Variants in ATG10 observed in about 807,000 individuals in gnomAD.
ATG10 encodes ubiquitin-like-conjugating enzyme ATG10.
In ATG10, 30 loss-of-function variants were observed where a neutral mutation model predicts 32.1. That is an observed-to-expected ratio of 0.94 (90% CI 0.70 to 1.27). ATG10 has a LOEUF of 1.27. ATG10 is among the 50% of genes most tolerant of loss of function. ATG10 has a pLI of 0.00. For synonymous variants in ATG10, 87 were observed against 91.5 expected (o/e 0.95, Z 0.28); for missense variants, 233 against 262.3 (o/e 0.89, Z 0.77).
At chr5:82,001,094 C>T (rs1156807189) in intron 2 of ATG10, among the ~76,000 whole-genome samples, 1 of 152,104 alleles carries the variant, frequency 6.6e-6, no homozygotes, top group East Asian at 1.9e-4. Context: ...ATGAGCTCTA[C>T]CATGAGAATT....
intron 3 of ATG10, among the ~76,000 whole-genome samples, chr5:82,115,950 G>A (rs1765795024): frequency 3.9e-5 from 6 of 152,086 alleles, no homozygotes; most frequent in Admixed American, 3.9e-4. Flanking sequence ...GATACAAGGT[G>A]GGAATAGGTA....
chr5:82,058,687 C>T (rs1763679397), intron 3 of ATG10, 85 bp downstream of exon 3: 1 of 824,554 alleles, frequency 1.2e-6, no homozygotes. Context: ...CCATCGCATT[C>T]CATCCTATGG....
Position 82,056,345 on chromosome 5 carries a change from A to G in ATG10, c.109-2150A>G, listed in dbSNP as rs538789763. ...TATGGTTGGTGTAAATAATGTAGTC[A>G]GAATGTGGTTTCTCTGTATCTCATG... On this transcript the variant is annotated intron_variant, in intron 2 of 7. Coordinates refer to ENST00000282185, the MANE Select transcript of ATG10 (RefSeq NM_031482.5). Among the ~76,000 whole-genome samples the G allele has an allele frequency of 1.4e-4, 22 of 152,168 alleles. No homozygotes were observed. The South Asian group carries it at 4.6e-3, about 32-fold the overall frequency.
chr5:82,017,305 G>C (rs1373268520), intron 2 of ATG10, among the ~76,000 whole-genome samples: 1 of 152,126 alleles, frequency 6.6e-6, no homozygotes, highest in Admixed American at 6.5e-5. Context: ...AGTTCTAGGA[G>C]CTTTTTGGAT....
At chr5:81,975,648 C>T (rs1019998549) in intron 1 of ATG10, among the ~76,000 whole-genome samples, 1 of 151,912 alleles carries the variant, frequency 6.6e-6, no homozygotes, top group African/African-American at 2.4e-5. Flanking sequence ...TATCACTGCC[C>T]TCCAACCTGG....
At chr5:82,202,598 CA>C (rs1389954917) in intron 5 of ATG10, among the ~76,000 whole-genome samples, 1 of 152,142 alleles carries the variant, frequency 6.6e-6, no homozygotes, top group African/African-American at 2.4e-5. Context: ...GTATTTCTCC[CA>C]CACTCTAGGG....
chr5:82,241,147 C>T (rs1746780204), intron 5 of ATG10, among the ~76,000 whole-genome samples: 1 of 152,186 alleles, frequency 6.6e-6, no homozygotes, highest in Admixed American at 6.5e-5. Context: ...AAGCATTCCA[C>T]CTTAGTGTCA....
At chr5:82,142,664 TGTGGAGG>T (rs1235079267) in intron 3 of ATG10, among the ~76,000 whole-genome samples, 4 of 152,080 alleles carry the variant, frequency 2.6e-5, no homozygotes, top group African/African-American at 9.7e-5. Flanking sequence ...GTGGCGGCAG[TGTGGAGG>T]GTGCGTGGGA....
chr5:82,058,688 C>T, intron 3 of ATG10, 86 bp downstream of exon 3: 1 of 810,212 alleles, frequency 1.2e-6, no homozygotes, highest in Non-Finnish European at 2.0e-6. Flanking sequence ...CATCGCATTC[C>T]ATCCTATGGA....
At chr5:82,035,430 G>A (rs1762888691) in intron 2 of ATG10, among the ~76,000 whole-genome samples, 1 of 152,110 alleles carries the variant, frequency 6.6e-6, no homozygotes, top group South Asian at 2.1e-4. Context: ...GTGAATGAAC[G>A]AGTGAGAAAT....
chr5:82,164,509 T>G lies in ATG10; in HGVS notation c.327T>G (p.Pro109=), dbSNP rs748582893. 4 of 1,613,394 alleles carry G rather than the reference T, an allele frequency of 2.5e-6. No homozygotes were observed. The highest frequency in any genetic ancestry group is 3.4e-6 in the Non-Finnish European group (4 of 1,179,476). ...TATATTCCTGTAGCTACCAAGTGCC[T>G]GTACTTTACTTTAGGGCAAGCTTTT... The part of the protein sequence containing the change: ...HVLYSCSYQV[P]VLYFRASFLD... The change falls in exon 4 of 8, where the codon CCT becomes CCG. Residue 109 remains proline (P), a synonymous_variant. Coordinates refer to ENST00000282185, the MANE Select transcript of ATG10 (RefSeq NM_031482.5).
At chr5:82,169,253 G>A (rs1336802536) in intron 4 of ATG10, among the ~76,000 whole-genome samples, 2 of 151,530 alleles carry the variant, frequency 1.3e-5, no homozygotes, top group Non-Finnish European at 2.9e-5. Context: ...CCAGAGGAAG[G>A]ATGTCCTAGA....
At chr5:82,139,953 T>C (rs202210068) in intron 3 of ATG10, among the ~76,000 whole-genome samples, 96 of 77,866 alleles carry the variant, frequency 1.2e-3, no homozygotes, top group Admixed American at 1.9e-3. Flanking sequence ...GGGTCAGCCC[T>C]CCGCCCGGCC....
At chr5:82,114,196 C>T (rs1765705462) in intron 3 of ATG10, among the ~76,000 whole-genome samples, 1 of 151,948 alleles carries the variant, frequency 6.6e-6, no homozygotes, top group African/African-American at 2.4e-5. Context: ...TAATGACTTA[C>T]TTACAAATAT....
At chr5:82,070,076 CCT>C (rs1764077320) in intron 3 of ATG10, among the ~76,000 whole-genome samples, 1 of 152,172 alleles carries the variant, frequency 6.6e-6, no homozygotes, top group Non-Finnish European at 1.5e-5. Context: ...TTCAAGCTAA[CCT>C]CATAGGAGCC....
At chr5:82,089,522 A>T (rs904605548) in intron 3 of ATG10, among the ~76,000 whole-genome samples, 2 of 152,242 alleles carry the variant, frequency 1.3e-5, no homozygotes, top group Admixed American at 6.5e-5. Flanking sequence ...GCAATTGGAC[A>T]TCCCTAGGCA....
chr5:81,984,916 ACTTC>A, intron 1 of ATG10, among the ~76,000 whole-genome samples: 1 of 152,356 alleles, frequency 6.6e-6, no homozygotes, highest in African/African-American at 2.4e-5. Flanking sequence ...AATATACCAT[ACTTC>A]CTAATTTTGT....
chr5:82,211,266 C>T (rs937321031), intron 5 of ATG10, among the ~76,000 whole-genome samples: 5 of 152,160 alleles, frequency 3.3e-5, no homozygotes, highest in African/African-American at 1.2e-4. Flanking sequence ...ATGTAGTACA[C>T]ATTTATGAAA....
At chr5:82,017,670 A>G (rs1384759911) in intron 2 of ATG10, among the ~76,000 whole-genome samples, 1 of 152,196 alleles carries the variant, frequency 6.6e-6, no homozygotes, top group Admixed American at 6.5e-5. Flanking sequence ...GAAGAATTTA[A>G]GTAGTAAAAT....
Sources: gnomAD v4.1 joint callset for allele counts (sites outside exome capture counted in the v4.1 genomes callset) on GRCh38, gnomAD v4.1.1 for gene constraint, MANE v1.5 for transcripts, NCBI Gene and HGNC (gene_info 2026-07-23, HGNC 2026-07-21) for gene names.